The following ELOC variants were observed in gnomAD, a reference collection of about 807,000 sequenced individuals.
ELOC encodes the protein elongin-C.
For synonymous variants in ELOC, 40 were observed against 51.3 expected, an observed-to-expected ratio of 0.78 and a Z score of 0.94; for missense variants, 38 against 139.0, an observed-to-expected ratio of 0.27 and a Z score of 3.65.
rs567291256 is a variant in ELOC, at chr8:73,946,477, T to C, written c.*153A>G. On this transcript the variant is annotated 3_prime_UTR_variant, in exon 4 of 4. Transcript: ENST00000520242. The stretch of plus-strand genomic sequence containing the variant: ...TGTAGCAAACAAATTTCAACTTTGA[T>C]TGCTATGCAAAAAAACAAGATAATC... 8 of 529,012 alleles carry C rather than the reference T, an allele frequency of 1.5e-5. No individual in the cohort carries two copies. The highest frequency in any genetic ancestry group is 3.1e-5 in the East Asian group (1 of 32,430). The allele number at this position is 529,012 out of a possible 1,614,324, so 32.8% of individuals were successfully genotyped here.
chr8:73,949,251 G>A (rs759735334), intron 3 of ELOC, among the ~76,000 whole-genome samples: 1 of 152,148 alleles, frequency 6.6e-6, no homozygotes, highest in Non-Finnish European at 1.5e-5. Flanking sequence ...AGTACTGCGG[G>A]ACTCAGCAAA....
At chr8:73,952,502 C>T (rs1382900769) in intron 3 of ELOC, among the ~76,000 whole-genome samples, 1 of 149,354 alleles carries the variant, frequency 6.7e-6, no homozygotes, top group African/African-American at 2.5e-5. Context: ...AAAGACTGGC[C>T]AGGTGCGGTG....
At chr8:73,959,556 T>C (rs1430944698) in intron 2 of ELOC, among the ~76,000 whole-genome samples, 4 of 152,210 alleles carry the variant, frequency 2.6e-5, no homozygotes, top group African/African-American at 2.4e-5. Flanking sequence ...TCTATTATAA[T>C]CTTTATGAAA....
chr8:73,950,802 A>G (rs535906579), intron 3 of ELOC, among the ~76,000 whole-genome samples: 1 of 152,370 alleles, frequency 6.6e-6, no homozygotes. Context: ...ATGTAATTCA[A>G]TATGAAATAT....
chr8:73,948,564 C>T (rs564950506), intron 3 of ELOC, among the ~76,000 whole-genome samples: 5 of 152,178 alleles, frequency 3.3e-5, no homozygotes, highest in African/African-American at 9.6e-5. Flanking sequence ...AGCAAGACTC[C>T]GTCTTAAAAG....
rs542105047 is a variant in ELOC, at chr8:73,962,580, A to C, written c.-50-2762T>G. On this transcript the variant is annotated intron_variant, in intron 1 of 3. Transcript: ENST00000520242. ...TACTCTTTTAAAAAACAAAACAAAAAAAAAAACAAAACAAATGCGAGAAAG... is the reference window on the plus strand; with the variant it reads ...TACTCTTTTAAAAAACAAAACAAAACAAAAAACAAAACAAATGCGAGAAAG... 1.2e-3 allele frequency among the ~76,000 whole-genome samples: 183 copies of C among 151,420 alleles called. 1 individual carries two copies. The highest frequency in any genetic ancestry group is 3.9e-3 in the African/African-American group (163 of 41,460).
chr8:73,954,027 CTG>C (rs1328596836), intron 3 of ELOC, among the ~76,000 whole-genome samples: 2 of 152,196 alleles, frequency 1.3e-5, no homozygotes, highest in African/African-American at 4.8e-5. Flanking sequence ...GAATGAAGTG[CTG>C]TACATGCACC....
intron 1 of ELOC, among the ~76,000 whole-genome samples, chr8:73,971,086 G>A (rs576346763): frequency 6.9e-6 from 1 of 144,598 alleles, no homozygotes; most frequent in African/African-American, 2.5e-5. Context: ...CAGTTAAAAA[G>A]TGAGAAAGTG....
rs554179165 is a variant in ELOC, at chr8:73,949,763, G to A, written c.149-2943C>T. Among the ~76,000 whole-genome samples, 27 of 152,266 alleles carry A rather than the reference G, an allele frequency of 1.8e-4. No individual in the cohort carries two copies. In the South Asian group the frequency reaches 5.6e-3, roughly 32 times the overall value. ...CTTTTCATGCAAACAGTAGTTTGAG[G>A]CTGAATGTTTTCTGATCTTTCCAAG... On this transcript the variant is annotated intron_variant, in intron 3 of 3. Coordinates refer to ENST00000520242, the MANE Select transcript of ELOC (RefSeq NM_005648.4).
chr8:73,946,617 T>G lies in ELOC; in HGVS notation c.*13A>C. On this transcript the variant is annotated 3_prime_UTR_variant, in exon 4 of 4. Coordinates refer to ENST00000520242, the MANE Select transcript of ELOC (RefSeq NM_005648.4). Reference sequence around the variant, plus strand: ...ACTGAAAAGAGTTAACAGTTTATTATAATTTATTTTATTTAACAATCTAAG... The same window carrying G: ...ACTGAAAAGAGTTAACAGTTTATTAGAATTTATTTTATTTAACAATCTAAG... 1 of 1,526,150 alleles carries G rather than the reference T, an allele frequency of 6.6e-7. No homozygotes were observed. The highest frequency in any genetic ancestry group is 8.8e-7 in the Non-Finnish European group (1 of 1,136,056). 94.5% of individuals were successfully genotyped at this position (1,526,150 alleles called of 1,614,324 possible).
rs1335098058 is a variant in ELOC at position 73,951,676 on chromosome 8, CAACAAA to C, written c.148+4229_148+4234del. On this transcript the variant is annotated intron_variant, in intron 3 of 3. Coordinates refer to ENST00000520242, the MANE Select transcript of ELOC (RefSeq NM_005648.4). ...ACAACAACAACAACAACAACAACAA[CAACAAA>C]ACAACAGACAAAACCAGAAAGAGCT... Among the ~76,000 whole-genome samples, 6 of 151,680 alleles carry C rather than the reference CAACAAA, an allele frequency of 4.0e-5. No individual in the cohort carries two copies. The East Asian group carries it at 7.7e-4, about 20-fold the overall frequency.
chr8:73,960,164 A>G (rs1342295389), intron 1 of ELOC, among the ~76,000 whole-genome samples: 1 of 152,238 alleles, frequency 6.6e-6, no homozygotes, highest in Non-Finnish European at 1.5e-5. Context: ...TCATTCCATT[A>G]AAATACATAC....
At chr8:73,950,524 T>A (rs957323016) in intron 3 of ELOC, among the ~76,000 whole-genome samples, 1 of 152,122 alleles carries the variant, frequency 6.6e-6, no homozygotes, top group African/African-American at 2.4e-5. Flanking sequence ...ATGCAAAAAA[T>A]TTTACAGAAT....
At chr8:73,954,530 T>C (rs1486449908) in intron 3 of ELOC, among the ~76,000 whole-genome samples, 1 of 151,372 alleles carries the variant, frequency 6.6e-6, no homozygotes, top group African/African-American at 2.4e-5. Flanking sequence ...GGTGGGCACC[T>C]GTAGTCCCAG....
chr8:73,953,590 G>A (rs904685975), intron 3 of ELOC, among the ~76,000 whole-genome samples: 1 of 152,070 alleles, frequency 6.6e-6, no homozygotes, highest in Non-Finnish European at 1.5e-5. Flanking sequence ...AACCTGGGAG[G>A]TGGAGGTTGT....
chr8:73,959,704 T>C (rs1814462860), intron 2 of ELOC, 61 bp downstream of exon 2: 2 of 1,418,392 alleles, frequency 1.4e-6, no homozygotes. Context: ...ATTTTAAAGA[T>C]CTTTGAAACA....
rs569918195 is a variant in ELOC, at chr8:73,970,860, A to C, written c.-51+1217T>G. On this transcript the variant is annotated intron_variant, in intron 1 of 3. Transcript: ENST00000520242. ...TGAAACCCCATCTCTACTAAAAAAC[A>C]AAACAAAACAAAAAAAAAACAAAAT... Among the ~76,000 whole-genome samples the C allele has an allele frequency of 0.044, 6,104 of 138,794 alleles. 339 individuals carry two copies. The highest frequency in any genetic ancestry group is 0.14 in the African/African-American group (4,853 of 34,922). 91.1% of individuals were successfully genotyped at this position (138,794 alleles called of 152,430 possible).
intron 1 of ELOC, among the ~76,000 whole-genome samples, chr8:73,971,256 G>A (rs906847882): frequency 8.6e-5 from 13 of 151,672 alleles, no homozygotes; most frequent in African/African-American, 3.1e-4. Flanking sequence ...TAATAGATTA[G>A]TCAGGCGTGG....
intron 1 of ELOC, among the ~76,000 whole-genome samples, chr8:73,961,072 A>G (rs992030741): frequency 1.3e-5 from 2 of 152,244 alleles, no homozygotes; most frequent in Non-Finnish European, 2.9e-5. Context: ...TTAACAATAA[A>G]GTGGTTAAAA....
Sources: allele counts gnomAD v4.1 joint callset (sites outside exome capture counted in the v4.1 genomes callset), GRCh38; gene constraint gnomAD v4.1.1; transcripts MANE v1.5; gene names NCBI Gene and HGNC (gene_info 2026-07-23, HGNC 2026-07-21).